WDR76: variants seen among roughly 807,000 people sequenced by gnomAD.
The protein encoded by WDR76 is WD repeat-containing protein 76.
WDR76 carries 52 observed loss-of-function variants against 70.2 expected under a neutral mutation model. The observed-to-expected ratio is 0.74, with a 90% CI of 0.59 to 0.93. The LOEUF is 0.93. WDR76 is among the 40% of genes least tolerant of loss of function. WDR76 has a pLI of 0.00. For synonymous variants in WDR76, 292 were observed against 271.1 expected, an observed-to-expected ratio of 1.08 and a Z score of -0.76; for missense variants, 756 against 760.2, an observed-to-expected ratio of 0.99 and a Z score of 0.07.
chr15:43,856,844 A>G (rs2087933786), intron 9 of WDR76, 102 bp from the exon 10 acceptor site: 9 of 973,922 alleles, frequency 9.2e-6, no homozygotes, highest in South Asian at 5.2e-5. Flanking sequence ...AAATGAGGTT[A>G]TTTGGGTAAA....
chr15:43,834,608 G>A (rs2087633014), intron 2 of WDR76, among the ~76,000 whole-genome samples: 1 of 151,844 alleles, frequency 6.6e-6, no homozygotes, highest in Admixed American at 6.6e-5. Context: ...CACCACGTCT[G>A]ACCAACTTTT....
intron 1 of WDR76, 77 bp from the exon 2 acceptor site, chr15:43,827,888 A>C: frequency 7.3e-7 from 1 of 1,377,450 alleles, no homozygotes; most frequent in South Asian, 1.5e-5. Context: ...GAATTATTAG[A>C]TCTGTTAGGG....
intron 11 of WDR76, among the ~76,000 whole-genome samples, chr15:43,859,715 C>G (rs2087972914): frequency 6.6e-6 from 1 of 152,168 alleles, no homozygotes; most frequent in South Asian, 2.1e-4. Flanking sequence ...ATGTAGTTTC[C>G]TTTGTCTCAA....
intron 5 of WDR76, among the ~76,000 whole-genome samples, 168 bp downstream of exon 5, chr15:43,839,896 C>T (rs186279968): frequency 3.3e-5 from 5 of 152,180 alleles, no homozygotes; most frequent in African/African-American, 9.6e-5. Context: ...CTCACTCTGT[C>T]GCCCAGACTG....
intron 8 of WDR76, among the ~76,000 whole-genome samples, chr15:43,848,597 G>A (rs1309608782): frequency 6.6e-6 from 1 of 151,932 alleles, no homozygotes; most frequent in East Asian, 1.9e-4. Context: ...CCACGGGAGT[G>A]GTAACACCCT....
intron 4 of WDR76, among the ~76,000 whole-genome samples, chr15:43,836,856 C>T (rs1475581034): frequency 6.6e-6 from 1 of 150,458 alleles, no homozygotes; most frequent in Non-Finnish European, 1.5e-5. Flanking sequence ...CATGGAGAAA[C>T]CCCATCGCTA....
intron 4 of WDR76, among the ~76,000 whole-genome samples, 157 bp from the exon 5 acceptor site, chr15:43,839,448 A>G (rs768913089): frequency 1.3e-5 from 2 of 152,122 alleles, no homozygotes; most frequent in Non-Finnish European, 2.9e-5. Flanking sequence ...TGTTTTTTCC[A>G]TACTTCTTAT....
chr15:43,854,866 G>T (rs2087909582), intron 9 of WDR76, among the ~76,000 whole-genome samples: 1 of 151,490 alleles, frequency 6.6e-6, no homozygotes, highest in Non-Finnish European at 1.5e-5. Context: ...ACGGAGAATC[G>T]CTTGAACCCA....
rs767947133 is a variant in WDR76, at chr15:43,851,094, A to C, written c.1040A>C (p.Gln347Pro). 3.7e-6 allele frequency: 6 copies of C among 1,614,078 alleles called. No individual in the cohort carries two copies. The highest frequency in any genetic ancestry group is 5.1e-6 in the Non-Finnish European group (6 of 1,179,992). ...GQVGLCDLTQ[Q>P]PKEDGVYVFH... ...CCCGCAACTCTCTTCCAGACCCAGC[A>C]ACCTAAAGAAGATGGAGTTTATGTT... Residue 347 changes from glutamine (Q) to proline (P), a missense_variant, in exon 9 of 13, where the codon CAA becomes CCA. Transcript: ENST00000263795.
chr15:43,864,988 G>A (rs527706874), intron 12 of WDR76, among the ~76,000 whole-genome samples: 2 of 152,176 alleles, frequency 1.3e-5, no homozygotes, highest in East Asian at 3.9e-4. Context: ...GCAGTGGCGC[G>A]ATCTCAGCTC....
chr15:43,836,217 G>T lies in WDR76; in HGVS notation c.608+1G>T. 6.2e-7 allele frequency: 1 copy of T among 1,608,538 alleles called. No individual in the cohort carries two copies. Among genetic ancestry groups the T allele is most frequent in the Non-Finnish European group, 8.5e-7 (1 of 1,177,530 alleles). On this transcript the variant is annotated splice_donor_variant, in intron 4 of 12. Transcript: ENST00000263795. LOFTEE classifies it high-confidence loss of function. ...AGAGACAGCCTCCTAAATCCAAAAG[G>T]TAAAATATCTAGTTTGCAATGCCTG...
intron 8 of WDR76, 116 bp from the exon 9 acceptor site, chr15:43,850,971 T>A (rs753236137): frequency 1.5e-6 from 2 of 1,321,938 alleles, no homozygotes; most frequent in Non-Finnish European, 2.1e-6. Context: ...AATTATAGAC[T>A]AAGAAAAGAC....
At chr15:43,857,991 A>G (rs1975364) in intron 10 of WDR76, among the ~76,000 whole-genome samples, 54,741 of 129,114 alleles carry the variant, frequency 0.42, 13,988 homozygotes, top group African/African-American at 0.74. Flanking sequence ...TTGAGATGGA[A>G]TCTTACTCTC....
In WDR76 at chr15:43,857,057, A is replaced by T; in HGVS notation, c.1303A>T (p.Thr435Ser). The change falls in exon 10 of 13, where the codon ACA becomes TCA. Residue 435 changes from threonine (T) to serine (S), a missense_variant. Thr to Ser is a moderately conservative substitution (Grantham distance 58, BLOSUM62 1). Transcript: ENST00000263795. Reference sequence around the variant, plus strand: ...AAATATGTCACTGGTGGATAGACGGACACCTGGAACTTCTTATGAGAAACT... The same window carrying T: ...AAATATGTCACTGGTGGATAGACGGTCACCTGGAACTTCTTATGAGAAACT... ...DGNMSLVDRR[T>S]PGTSYEKLTS... The T allele has an allele frequency of 6.2e-7, 1 of 1,614,164 alleles. No homozygotes were observed. The highest frequency in any genetic ancestry group is 2.2e-5 in the East Asian group (1 of 44,864).
chr15:43,862,778 G>A (rs2088018820), intron 12 of WDR76, among the ~76,000 whole-genome samples: 1 of 152,188 alleles, frequency 6.6e-6, no homozygotes. Context: ...AAAGTGCTGG[G>A]ATTACAGGCG....
At chr15:43,846,874 T>G (rs1459158044) in intron 8 of WDR76, among the ~76,000 whole-genome samples, 1 of 151,730 alleles carries the variant, frequency 6.6e-6, no homozygotes, top group African/African-American at 2.4e-5. Flanking sequence ...GATACAAAAT[T>G]AGCCGGGCAT....
intron 2 of WDR76, among the ~76,000 whole-genome samples, chr15:43,833,617 C>T (rs2087618663): frequency 6.7e-6 from 1 of 150,266 alleles, no homozygotes; most frequent in Non-Finnish European, 1.5e-5. Flanking sequence ...CTGCTCCCAG[C>T]CCTTTCTTTT....
chr15:43,841,201 G>GTT (rs910565504), intron 5 of WDR76, among the ~76,000 whole-genome samples: 94 of 102,234 alleles, frequency 9.2e-4, no homozygotes, highest in African/African-American at 1.9e-3. Flanking sequence ...TTGTTTTTTT[G>GTT]TTTTTTTTTT....
chr15:43,836,168 C>G lies in WDR76; in HGVS notation c.560C>G (p.Ala187Gly). 6.2e-7 allele frequency: 1 copy of G among 1,606,798 alleles called. No homozygotes were observed. The highest frequency in any genetic ancestry group is 8.5e-7 in the Non-Finnish European group (1 of 1,176,962). Residue 187 changes from alanine to glycine, a missense_variant, in exon 4 of 13, where the codon GCA becomes GGA. Transcript: ENST00000263795. ...FASLQLSESAARLREMIEKRQ... is the reference protein window; with the variant it reads ...FASLQLSESAGRLREMIEKRQ... ...GATTTTTATACTTTACAGTCTGCTG[C>G]AAGACTCCGTGAAATGATAGAGAAG... is the stretch of plus-strand genomic sequence containing the variant.
Sources: gnomAD v4.1 joint callset for allele counts (sites outside exome capture counted in the v4.1 genomes callset) on GRCh38, gnomAD v4.1.1 for gene constraint, MANE v1.5 for transcripts, NCBI Gene and HGNC (gene_info 2026-07-23, HGNC 2026-07-21) for gene names.